THSD7B: variants seen among roughly 807,000 people sequenced by gnomAD.
THSD7B encodes the protein thrombospondin type-1 domain-containing protein 7B.
A neutral mutation model predicts 213.6 loss-of-function variants in THSD7B; 138 were observed. The observed-to-expected ratio is 0.65, with a 90% CI of 0.56 to 0.74. The LOEUF is 0.74. THSD7B is among the 30% of genes least tolerant of loss of function. The probability of loss-of-function intolerance (pLI) is 0.00; values close to 1 mark genes in which losing one functional copy is unlikely to be tolerated. For synonymous variants in THSD7B, 742 were observed against 687.0 expected, an observed-to-expected ratio of 1.08 and a Z score of -1.25; for missense variants, 1,931 against 1,991.5, an observed-to-expected ratio of 0.97 and a Z score of 0.58.
At chr2:136,881,057 C>T (rs773060607) in intron 1 of THSD7B, among the ~76,000 whole-genome samples, 2 of 152,144 alleles carry the variant, frequency 1.3e-5, no homozygotes, top group Admixed American at 6.6e-5. Flanking sequence ...AAACACAAAA[C>T]GCATTTCAAC....
At chr2:137,167,854 T>C (rs1431298498) in intron 6 of THSD7B, among the ~76,000 whole-genome samples, 1 of 152,176 alleles carries the variant, frequency 6.6e-6, no homozygotes, top group African/African-American at 2.4e-5. Flanking sequence ...TACCTTCAAC[T>C]AAACCACGGT....
Position 137,600,499 on chromosome 2 carries a change from A to C in THSD7B, c.3424-15676A>C, listed in dbSNP as rs147185089. 4.6e-5 allele frequency among the ~76,000 whole-genome samples: 7 copies of C among 152,298 alleles called. No homozygotes were observed. In the East Asian group the frequency reaches 1.4e-3, roughly 29 times the overall value. Reference sequence around the variant, plus strand: ...AGGCCTGTAGTCCTAGCACTTTGAGAGGCTAAGGCAGGCAGATCACTTGAA... The same window carrying C: ...AGGCCTGTAGTCCTAGCACTTTGAGCGGCTAAGGCAGGCAGATCACTTGAA... On this transcript the variant is annotated intron_variant, in intron 17 of 27. Coordinates refer to ENST00000409968, the MANE Select transcript of THSD7B (RefSeq NM_001316349.2).
intron 7 of THSD7B, among the ~76,000 whole-genome samples, chr2:137,171,370 T>C (rs1370723853): frequency 1.3e-5 from 2 of 152,116 alleles, no homozygotes; most frequent in Admixed American, 1.3e-4. Context: ...CAAACAAAAC[T>C]AGGTGGCTTT....
At position 137,655,534 on chromosome 2, in the gene THSD7B, A is replaced by G. The variant is rs768146484; in HGVS notation, c.3979A>G (p.Ser1327Gly). Residue 1327 changes from serine to glycine, a missense_variant, in exon 22 of 28, where the codon AGC becomes GGC. Coordinates refer to ENST00000409968, the MANE Select transcript of THSD7B (RefSeq NM_001316349.2). ...CTGTGGGGAAGGAGTTCAGATCCGCAGCCTTTCCTGCATGGTCCACAGTGG... is the reference window on the plus strand; with the variant it reads ...CTGTGGGGAAGGAGTTCAGATCCGCGGCCTTTCCTGCATGGTCCACAGTGG... ...GDCGEGVQIR[S>G]LSCMVHSGSI... is the part of the protein sequence containing the mutation. The G allele has an allele frequency of 3.7e-6, 6 of 1,612,510 alleles. No individual in the cohort carries two copies. In the South Asian group the frequency reaches 6.6e-5, roughly 18 times the overall value.
intron 3 of THSD7B, among the ~76,000 whole-genome samples, chr2:137,062,638 T>C (rs1687299334): frequency 6.6e-6 from 1 of 151,882 alleles, no homozygotes; most frequent in African/African-American, 2.4e-5. Context: ...TGTTATTAAT[T>C]TTAGTTTAAT....
intron 12 of THSD7B, among the ~76,000 whole-genome samples, chr2:137,334,200 CTT>C (rs1491531846): frequency 1.1e-4 from 17 of 148,848 alleles, no homozygotes; most frequent in Admixed American, 2.7e-4. Flanking sequence ...CTCTCTCTCT[CTT>C]TCTCTCTTTC....
chr2:136,991,560 GA>G (rs1432721067), intron 2 of THSD7B, among the ~76,000 whole-genome samples: 2 of 152,120 alleles, frequency 1.3e-5, no homozygotes, highest in African/African-American at 2.4e-5. Context: ...TTGGGTTCCA[GA>G]GTAGCAGAAT....
chr2:137,210,415 T>C (rs1681077414), intron 7 of THSD7B, among the ~76,000 whole-genome samples: 2 of 152,102 alleles, frequency 1.3e-5, no homozygotes, highest in Non-Finnish European at 2.9e-5. Context: ...AAAAGAAGTA[T>C]TCTATAAATT....
rs908514600 is a variant in THSD7B, at chr2:136,813,248, A to C, written c.-36+47561A>C. On this transcript the variant is annotated intron_variant, in intron 1 of 27. Coordinates refer to ENST00000409968, the MANE Select transcript of THSD7B (RefSeq NM_001316349.2). ...AAAAATATTGACCTATGTGTCAAAC[A>C]GTCTTTCTTTTTTTATTATTATTCT... is the stretch of plus-strand genomic sequence containing the variant. Among the ~76,000 whole-genome samples, 4 of 152,262 alleles carry C rather than the reference A, an allele frequency of 2.6e-5. No homozygotes were observed. In the East Asian group the frequency reaches 7.8e-4, roughly 30 times the overall value.
At chr2:137,137,432 C>T (rs1408186017) in intron 5 of THSD7B, among the ~76,000 whole-genome samples, 1 of 152,186 alleles carries the variant, frequency 6.6e-6, no homozygotes, top group African/African-American at 2.4e-5. Flanking sequence ...TGACAAACCA[C>T]AAATGAGATG....
intron 2 of THSD7B, among the ~76,000 whole-genome samples, chr2:136,949,379 C>T (rs548801657): frequency 2.0e-5 from 3 of 152,240 alleles, no homozygotes; most frequent in South Asian, 4.1e-4. Context: ...GCCTGGTTCC[C>T]TCACTAGGAA....
chr2:136,855,144 T>C (rs1172265955), intron 1 of THSD7B, among the ~76,000 whole-genome samples: 1 of 152,210 alleles, frequency 6.6e-6, no homozygotes, highest in East Asian at 1.9e-4. Context: ...TAGAGATATA[T>C]CTCTTTGGTT....
intron 3 of THSD7B, among the ~76,000 whole-genome samples, chr2:137,068,615 G>A (rs1231872821): frequency 3.3e-5 from 5 of 152,066 alleles, no homozygotes; most frequent in Non-Finnish European, 7.4e-5. Context: ...TGTATTTGAT[G>A]CTTTCAGAAA....
chr2:137,391,070 T>C (rs552649265), intron 12 of THSD7B, among the ~76,000 whole-genome samples: 4 of 152,120 alleles, frequency 2.6e-5, no homozygotes, highest in Non-Finnish European at 5.9e-5. Context: ...AACTCATCTG[T>C]GAATCCATCT....
chr2:137,172,024 TGTG>T (rs774278239), intron 7 of THSD7B, among the ~76,000 whole-genome samples: 35 of 152,224 alleles, frequency 2.3e-4, no homozygotes, highest in Non-Finnish European at 3.7e-4. Context: ...ATTTTTGAAT[TGTG>T]GTAACATATG....
Position 137,196,863 on chromosome 2 carries a change from G to A in THSD7B, c.1723+25925G>A, listed in dbSNP as rs148508068. Among the ~76,000 whole-genome samples, 1,415 of 152,150 alleles carry A rather than the reference G, an allele frequency of 9.3e-3. 10 individuals are homozygous for A. Among genetic ancestry groups the A allele is most frequent in the Non-Finnish European group, 0.014 (950 of 68,008 alleles). ...AAATCTGAAATAGAAAACGCTTCTG[G>A]TCCCAAGCGTTTTGGATAAGGGATA... On this transcript the variant is annotated intron_variant, in intron 7 of 27. Transcript: ENST00000409968.
rs1217110433 is a variant in THSD7B at position 137,563,267 on chromosome 2, G to A, written c.3185G>A (p.Trp1062Ter). 1 of 1,613,282 alleles carries A rather than the reference G, an allele frequency of 6.2e-7. No homozygotes were observed. The highest frequency in any genetic ancestry group is 8.5e-7 in the Non-Finnish European group (1 of 1,179,612). Residue 1062 changes from tryptophan to a stop codon, truncating the protein, a stop_gained, in exon 16 of 28, where the codon TGG (tryptophan) becomes TAG (stop). Transcript: ENST00000409968. LOFTEE classifies it high-confidence loss of function. ...TACAGTGAGTGCAATCAGTATTCCT[G>A]GGTTGTAGAACACTGGTCTTCATGC... ...PCYSECNQYS[W>*]VVEHWSSCKI...
chr2:137,069,453 T>A (rs897567894), intron 3 of THSD7B, among the ~76,000 whole-genome samples: 1 of 151,996 alleles, frequency 6.6e-6, no homozygotes, highest in African/African-American at 2.4e-5. Flanking sequence ...GAAAATCAGA[T>A]CAATGGGTTT....
At chr2:137,368,050 A>ACT (rs60523217) in intron 12 of THSD7B, among the ~76,000 whole-genome samples, 135,785 of 151,864 alleles carry the variant, frequency 0.89, 61,739 homozygotes, top group Non-Finnish European at 0.99. Context: ...GTAGTTCAAG[A>ACT]CTAAAGGACT....
Sources: gnomAD v4.1 joint callset for allele counts (sites outside exome capture counted in the v4.1 genomes callset) on GRCh38, gnomAD v4.1.1 for gene constraint, MANE v1.5 for transcripts, NCBI Gene and HGNC (gene_info 2026-07-23, HGNC 2026-07-21) for gene names.